Variants in CHRM3 observed in about 807,000 individuals in gnomAD.
CHRM3 encodes muscarinic acetylcholine receptor M3.
CHRM3 carries 11 observed loss-of-function variants against 41.8 expected under a neutral mutation model. That is an observed-to-expected ratio of 0.26 (90% CI 0.17 to 0.44). The LOEUF (loss-of-function observed/expected upper bound fraction) is 0.44. Among genes scored for constraint, CHRM3 ranks in the 20% least tolerant of loss-of-function variants. The probability of loss-of-function intolerance (pLI) is 1.00; values close to 1 mark genes in which losing one functional copy is unlikely to be tolerated. For missense variants in CHRM3, 571 were observed against 745.4 expected (o/e 0.77, Z 2.72); for synonymous variants, 297 against 301.4 (o/e 0.99, Z 0.15).
intron 3 of CHRM3, among the ~76,000 whole-genome samples, chr1:239,573,154 T>G (rs2148545755): frequency 6.6e-6 from 1 of 152,160 alleles, no homozygotes; most frequent in Admixed American, 6.5e-5. Context: ...CCTCGCATTC[T>G]TTTTTTCCCC....
intron 5 of CHRM3, among the ~76,000 whole-genome samples, chr1:239,793,794 G>A (rs1669527487): frequency 8.0e-6 from 1 of 124,610 alleles, no homozygotes; most frequent in African/African-American, 3.2e-5. Flanking sequence ...TGTCAGAAAT[G>A]AAATGTGTAT....
intron 1 of CHRM3, among the ~76,000 whole-genome samples, chr1:239,415,832 T>C (rs1661451567): frequency 6.6e-6 from 1 of 152,224 alleles, no homozygotes; most frequent in Non-Finnish European, 1.5e-5. Context: ...GATAATGTTC[T>C]CTATGCAACT....
intron 3 of CHRM3, among the ~76,000 whole-genome samples, chr1:239,548,728 A>G (rs1165156622): frequency 6.6e-6 from 1 of 152,196 alleles, no homozygotes; most frequent in Non-Finnish European, 1.5e-5. Context: ...AGAGATGCCC[A>G]TGGCACTGAT....
intron 3 of CHRM3, among the ~76,000 whole-genome samples, chr1:239,584,108 C>CTTTTT (rs769127124): frequency 1.9e-4 from 24 of 124,410 alleles, no homozygotes; most frequent in African/African-American, 7.0e-4. Context: ...TCTTCTTCTT[C>CTTTTT]TTTTTTTTTT....
In CHRM3 at chr1:239,702,993, C is replaced by G. The variant is rs912483390; in HGVS notation, c.-147+24705C>G. 1.3e-5 allele frequency among the ~76,000 whole-genome samples: 2 copies of G among 152,226 alleles called. 1 individual carries two copies. Among genetic ancestry groups the G allele is most frequent in the South Asian group, 4.1e-4 (2 of 4,822 alleles). The stretch of plus-strand genomic sequence containing the variant: ...TCCCACAGACTGCTATTCCACTCTC[C>G]CATGTCAGATATTGTTAAAATTAAT... On this transcript the variant is annotated intron_variant, in intron 5 of 6. Coordinates refer to ENST00000676153, the MANE Select transcript of CHRM3 (RefSeq NM_001375978.1).
At chr1:239,866,153 G>A (rs1676077133) in intron 6 of CHRM3, among the ~76,000 whole-genome samples, 1 of 152,052 alleles carries the variant, frequency 6.6e-6, no homozygotes, top group African/African-American at 2.4e-5. Flanking sequence ...CGGGGCGGGC[G>A]GATCACAAGA....
chr1:239,564,142 A>G (rs1340046531), intron 3 of CHRM3, among the ~76,000 whole-genome samples: 1 of 152,218 alleles, frequency 6.6e-6, no homozygotes, highest in Non-Finnish European at 1.5e-5. Context: ...ATTTCTGTTT[A>G]TGTCATTCAT....
intron 4 of CHRM3, among the ~76,000 whole-genome samples, chr1:239,662,915 T>TCTTCTTCTTCTTCTTCTTCTTCTTCTC (rs1558431497): frequency 2.7e-5 from 4 of 147,370 alleles, no homozygotes; most frequent in African/African-American, 1.0e-4. Flanking sequence ...TTCTTCTTCT[T>TCTTCTTCTTCTTCTTCTTCTTCTTCTC]CTTCTTCTTC....
At chr1:239,464,242 TGCACTCCA>T (rs1408667631) in intron 1 of CHRM3, among the ~76,000 whole-genome samples, 2 of 147,236 alleles carry the variant, frequency 1.4e-5, no homozygotes, top group Non-Finnish European at 3.0e-5. Flanking sequence ...ATCGTGCCAC[TGCACTCCA>T]GCCTGTGTGA....
intron 4 of CHRM3, among the ~76,000 whole-genome samples, chr1:239,657,317 C>T (rs1484805195): frequency 2.6e-5 from 4 of 152,156 alleles, no homozygotes; most frequent in African/African-American, 9.7e-5. Context: ...TTTAAGTAAC[C>T]TTGTTGAGGA....
chr1:239,565,807 G>C, intron 3 of CHRM3, among the ~76,000 whole-genome samples: 1 of 150,104 alleles, frequency 6.7e-6, no homozygotes. Flanking sequence ...ATCTGGTCTT[G>C]TTTTATATCA....
intron 6 of CHRM3, among the ~76,000 whole-genome samples, chr1:239,868,003 G>A (rs1287918405): frequency 5.9e-5 from 9 of 152,186 alleles, no homozygotes; most frequent in Non-Finnish European, 1.3e-4. Flanking sequence ...TCACAGGCAA[G>A]CCAAGGAGGA....
chr1:239,524,169 A>AAT (rs140863188), intron 2 of CHRM3, among the ~76,000 whole-genome samples: 8,432 of 150,132 alleles, frequency 0.056, 322 homozygotes, highest in African/African-American at 0.098. Context: ...AGATTCAAAG[A>AAT]ATATATATAT....
chr1:239,753,905 T>C (rs1666035800), intron 5 of CHRM3, among the ~76,000 whole-genome samples: 1 of 152,240 alleles, frequency 6.6e-6, no homozygotes, highest in Non-Finnish European at 1.5e-5. Flanking sequence ...TATATTCTGT[T>C]GATTCTTCCA....
At chr1:239,394,469 G>A (rs763699895) in intron 1 of CHRM3, among the ~76,000 whole-genome samples, 1 of 152,176 alleles carries the variant, frequency 6.6e-6, no homozygotes, top group Non-Finnish European at 1.5e-5. Flanking sequence ...CCTTTCAAGA[G>A]CTTTAACTTC....
chr1:239,600,871 C>A (rs1572866163), intron 3 of CHRM3, among the ~76,000 whole-genome samples: 1 of 151,722 alleles, frequency 6.6e-6, no homozygotes, highest in East Asian at 1.9e-4. Flanking sequence ...TTCCTCATTT[C>A]TCTCTATTCA....
At chr1:239,682,225 G>A (rs1161812690) in intron 5 of CHRM3, among the ~76,000 whole-genome samples, 5 of 152,136 alleles carry the variant, frequency 3.3e-5, no homozygotes, top group East Asian at 1.9e-4. Context: ...GACTGGCCTC[G>A]TGTACAATTC....
chr1:239,392,506 G>A (rs1291920775), intron 1 of CHRM3, among the ~76,000 whole-genome samples: 1 of 152,176 alleles, frequency 6.6e-6, no homozygotes, highest in East Asian at 1.9e-4. Flanking sequence ...AGGAAGTGGT[G>A]CTAATGTAGA....
Position 239,722,197 on chromosome 1 carries a change from C to T in CHRM3, c.-147+43909C>T, listed in dbSNP as rs536393997. Among the ~76,000 whole-genome samples, 50 of 151,908 alleles carry T rather than the reference C, an allele frequency of 3.3e-4. No individual in the cohort carries two copies. In the South Asian group the frequency reaches 6.8e-3, roughly 21 times the overall value. On this transcript the variant is annotated intron_variant, in intron 5 of 6. Coordinates refer to ENST00000676153, the MANE Select transcript of CHRM3 (RefSeq NM_001375978.1). ...GTCAGGCGATTTATAAAAATGTAGT[C>T]ACCTGGAAAATGCTAAAGGGATTGA...
Sources: allele counts gnomAD v4.1 joint callset (sites outside exome capture counted in the v4.1 genomes callset), GRCh38; gene constraint gnomAD v4.1.1; transcripts MANE v1.5; gene names NCBI Gene and HGNC (gene_info 2026-07-23, HGNC 2026-07-21).